Variants in ASTN2 observed in about 807,000 individuals in gnomAD.
ASTN2 encodes the protein astrotactin 2, also known as astrotactin-2.
ASTN2 carries 54 observed loss-of-function variants against 139.8 expected under a neutral mutation model. The ratio of observed to expected loss-of-function variants is 0.39; its 90% confidence interval spans 0.31 to 0.48. The LOEUF (loss-of-function observed/expected upper bound fraction) is 0.48. Ranked by LOEUF, ASTN2 falls within the 20% of genes least tolerant of loss-of-function variation. ASTN2 has a pLI of 0.95. For missense variants in ASTN2, 1,565 were observed against 1,725.1 expected, an observed-to-expected ratio of 0.91 and a Z score of 1.64; for synonymous variants, 756 against 719.5, an observed-to-expected ratio of 1.05 and a Z score of -0.81.
intron 20 of ASTN2, among the ~76,000 whole-genome samples, chr9:116,462,058 T>C (rs545087926): frequency 2.0e-5 from 3 of 152,306 alleles, no homozygotes; most frequent in African/African-American, 7.2e-5. Context: ...AGCTCTGGTT[T>C]GGCATGATTT....
intron 16 of ASTN2, among the ~76,000 whole-genome samples, chr9:116,665,068 CATG>C (rs1858782536): frequency 3.3e-5 from 5 of 152,150 alleles, no homozygotes; most frequent in Non-Finnish European, 7.3e-5. Context: ...TCTCTCTTGC[CATG>C]TGATACACCT....
chr9:116,917,995 A>T (rs1834499397), intron 10 of ASTN2, among the ~76,000 whole-genome samples: 1 of 152,116 alleles, frequency 6.6e-6, no homozygotes, highest in Admixed American at 6.5e-5. Flanking sequence ...TGCTATTCTC[A>T]TGATAGTGAA....
intron 19 of ASTN2, among the ~76,000 whole-genome samples, chr9:116,610,556 CTG>C (rs1855484186): frequency 6.6e-6 from 1 of 152,076 alleles, no homozygotes; most frequent in Non-Finnish European, 1.5e-5. Context: ...TTGGCTGAGA[CTG>C]TGCCATTGCG....
At chr9:117,171,216 C>A (rs1161003486) in intron 3 of ASTN2, among the ~76,000 whole-genome samples, 3 of 152,076 alleles carry the variant, frequency 2.0e-5, no homozygotes, top group Non-Finnish European at 4.4e-5. Context: ...TAGAAATATT[C>A]TCCTTTGCCC....
At chr9:116,839,443 G>T (rs935868098) in intron 11 of ASTN2, among the ~76,000 whole-genome samples, 1 of 151,826 alleles carries the variant, frequency 6.6e-6, no homozygotes, top group Non-Finnish European at 1.5e-5. Flanking sequence ...AACCAGCACC[G>T]TGATCCAATA....
In ASTN2 at chr9:116,610,189, C is replaced by T. The variant is rs530700341; in HGVS notation, c.3355+8135G>A. Among the ~76,000 whole-genome samples, 6 of 152,160 alleles carry T rather than the reference C, an allele frequency of 3.9e-5. No homozygotes were observed. In the South Asian group the frequency reaches 6.2e-4, roughly 16 times the overall value. ...TCACATTAAATATAAATGGTCTAAACACCCCAACTTTACGGTCTAAACACC... is the reference window on the plus strand; with the variant it reads ...TCACATTAAATATAAATGGTCTAAATACCCCAACTTTACGGTCTAAACACC... On this transcript the variant is annotated intron_variant, in intron 19 of 22. Transcript: ENST00000313400.
At chr9:116,730,180 G>T (rs1828739935) in intron 14 of ASTN2, among the ~76,000 whole-genome samples, 1 of 152,036 alleles carries the variant, frequency 6.6e-6, no homozygotes, top group East Asian at 1.9e-4. Context: ...ACACTTTCTT[G>T]TGCCTCTGCA....
intron 2 of ASTN2, among the ~76,000 whole-genome samples, chr9:117,241,949 A>AC (rs1182607581): frequency 2.2e-5 from 3 of 135,416 alleles, no homozygotes; most frequent in African/African-American, 5.4e-5. Context: ...CACACACACC[A>AC]CACACCCCTA....
At chr9:117,156,359 G>C (rs1830433533) in intron 3 of ASTN2, among the ~76,000 whole-genome samples, 1 of 152,054 alleles carries the variant, frequency 6.6e-6, no homozygotes, top group Admixed American at 6.6e-5. Context: ...TCCTGAGAGA[G>C]ATTAAGGCTC....
chr9:116,473,959 T>C (rs1848899528), intron 20 of ASTN2, among the ~76,000 whole-genome samples: 1 of 152,128 alleles, frequency 6.6e-6, no homozygotes, highest in Non-Finnish European at 1.5e-5. Context: ...ATGTGTTTAA[T>C]ATTGTTCTGG....
chr9:116,499,486 C>A lies in ASTN2; in HGVS notation c.3356-11986G>T, dbSNP rs148167631. Among the ~76,000 whole-genome samples the A allele has an allele frequency of 3.3e-3, 510 of 152,284 alleles. 3 individuals carry two copies. Among genetic ancestry groups the A allele is most frequent in the African/African-American group, 0.012 (492 of 41,560 alleles). ...TCACCTGGCAAAGTTTAGGGCCCCT[C>A]AACTGAGTTCCCACAGCTCCCTGTG... On this transcript the variant is annotated intron_variant, in intron 19 of 22. Transcript: ENST00000313400.
intron 7 of ASTN2, among the ~76,000 whole-genome samples, chr9:116,988,101 C>G (rs1353115760): frequency 6.6e-6 from 1 of 152,182 alleles, no homozygotes; most frequent in African/African-American, 2.4e-5. Flanking sequence ...AGAAAGGAAA[C>G]TGTGGATGAG....
intron 19 of ASTN2, among the ~76,000 whole-genome samples, chr9:116,590,050 C>A (rs1854316230): frequency 6.6e-6 from 1 of 152,308 alleles, no homozygotes; most frequent in East Asian, 1.9e-4. Flanking sequence ...TATGAAGCGG[C>A]CACTGCAAAG....
intron 1 of ASTN2, among the ~76,000 whole-genome samples, chr9:117,382,121 A>G (rs549967286): frequency 1.3e-5 from 2 of 152,294 alleles, no homozygotes; most frequent in South Asian, 4.1e-4. Flanking sequence ...CAAGGTAATA[A>G]CAATTCTATT....
intron 10 of ASTN2, among the ~76,000 whole-genome samples, chr9:116,930,518 G>A (rs1458983098): frequency 6.6e-6 from 1 of 151,966 alleles, no homozygotes; most frequent in African/African-American, 2.4e-5. Flanking sequence ...GCAGGGTTAT[G>A]CTATAACTCT....
chr9:116,619,955 T>C (rs1856048638), intron 18 of ASTN2, among the ~76,000 whole-genome samples: 1 of 152,150 alleles, frequency 6.6e-6, no homozygotes, highest in African/African-American at 2.4e-5. Context: ...TTCTCCAGTT[T>C]TTTTTTGTTC....
At chr9:117,118,038 T>C (rs1307107956) in intron 4 of ASTN2, among the ~76,000 whole-genome samples, 1 of 152,124 alleles carries the variant, frequency 6.6e-6, no homozygotes, top group Non-Finnish European at 1.5e-5. Flanking sequence ...AAGTGCCAGG[T>C]TGTTCAAAGG....
At chr9:116,746,299 G>C (rs1829232381) in intron 13 of ASTN2, among the ~76,000 whole-genome samples, 1 of 151,870 alleles carries the variant, frequency 6.6e-6, no homozygotes, top group South Asian at 2.1e-4. Flanking sequence ...TGTTGGTCAG[G>C]CTGGTCTCAA....
chr9:116,687,142 T>C (rs1009893643), intron 16 of ASTN2: 12 of 1,083,574 alleles, frequency 1.1e-5, no homozygotes, highest in African/African-American at 1.6e-5. Context: ...GAAAACTGGA[T>C]TACGTGTCGC....
Sources: gnomAD v4.1 joint callset for allele counts (sites outside exome capture counted in the v4.1 genomes callset) on GRCh38, gnomAD v4.1.1 for gene constraint, MANE v1.5 for transcripts, NCBI Gene and HGNC (gene_info 2026-07-23, HGNC 2026-07-21) for gene names.